The following CEP20 variants were observed in gnomAD, a reference collection of about 807,000 sequenced individuals.
CEP20 encodes centrosomal protein 20, also known as FGFR1OP N-terminal like.
Under a neutral mutation model 20.0 loss-of-function variants are expected in CEP20, and 18 were observed. That is an observed-to-expected ratio of 0.90 (90% CI 0.62 to 1.34). CEP20 has a LOEUF of 1.34. Among genes scored for constraint, CEP20 ranks in the 40% most tolerant of loss-of-function variants. The pLI, the probability that CEP20 is intolerant of heterozygous loss-of-function variation, is 0.00. For missense variants in CEP20, 215 were observed against 201.6 expected, an observed-to-expected ratio of 1.07 and a Z score of -0.40; for synonymous variants, 77 against 73.7, an observed-to-expected ratio of 1.04 and a Z score of -0.23.
chr16:15,869,836 A>G (rs766444895), intron 4 of CEP20, among the ~76,000 whole-genome samples: 2 of 152,198 alleles, frequency 1.3e-5, no homozygotes, highest in Non-Finnish European at 2.9e-5. Context: ...CTGGCTGACA[A>G]CTTTCAAGGC....
intron 2 of CEP20, among the ~76,000 whole-genome samples, 166 bp from the exon 3 acceptor site, chr16:15,880,054 A>C (rs1041756633): frequency 6.6e-6 from 1 of 152,232 alleles, no homozygotes; most frequent in Non-Finnish European, 1.5e-5. Context: ...GACTTTCAAA[A>C]TATCTCTTTT....
In CEP20 at chr16:15,871,606, A is replaced by G. The variant is rs72773961; in HGVS notation, c.448+1885T>C. On this transcript the variant is annotated intron_variant, in intron 4 of 4. Coordinates refer to ENST00000255759, the MANE Select transcript of CEP20 (RefSeq NM_144600.4). The stretch of plus-strand genomic sequence containing the variant: ...AAAGGTATACGGGAACAGCAATCAA[A>G]TGTGCTGATTCTGCTACTAATTATC... Among the ~76,000 whole-genome samples the G allele has an allele frequency of 9.5e-3, 1,449 of 152,296 alleles. 15 individuals carry two copies. The highest frequency in any genetic ancestry group is 0.02 in the Middle Eastern group (6 of 294).
intron 1 of CEP20, among the ~76,000 whole-genome samples, chr16:15,885,423 C>T (rs554217811): frequency 1.9e-4 from 29 of 152,170 alleles, no homozygotes; most frequent in Middle Eastern, 3.4e-3. Flanking sequence ...GAAACAATCT[C>T]GCTCTGTCGC....
chr16:15,877,514 C>T (rs1426799267), intron 3 of CEP20, among the ~76,000 whole-genome samples: 4 of 152,146 alleles, frequency 2.6e-5, no homozygotes, highest in African/African-American at 9.7e-5. Flanking sequence ...TGCCTGTAAT[C>T]CCAACACTTT....
In CEP20 at chr16:15,879,082, A is replaced by G. The variant is rs150894031; in HGVS notation, c.311+722T>C. ...TTAAGAAACACTGAAATAGAAAAAA[A>G]CTAAGAAAACTAGAAAGTGGTCATC... On this transcript the variant is annotated intron_variant, in intron 3 of 4. Coordinates refer to ENST00000255759, the MANE Select transcript of CEP20 (RefSeq NM_144600.4). 2.3e-3 allele frequency among the ~76,000 whole-genome samples: 343 copies of G among 152,154 alleles called. 1 individual carries two copies. Among genetic ancestry groups the G allele is most frequent in the Non-Finnish European group, 3.7e-3 (249 of 68,006 alleles).
intron 3 of CEP20, among the ~76,000 whole-genome samples, chr16:15,876,250 G>A (rs2044944663): frequency 6.6e-6 from 1 of 151,606 alleles, no homozygotes; most frequent in African/African-American, 2.4e-5. Flanking sequence ...GGCCGAGGCA[G>A]GAGGATCATG....
rs1341161700 is a variant in CEP20, at chr16:15,866,697, C to T, written c.*743G>A. On this transcript the variant is annotated 3_prime_UTR_variant, in exon 5 of 5. Transcript: ENST00000255759. ...TCCCTTTCTGGTATTTCTCCCAAAG[C>T]CTGTCTCTTCATGCTTACTTCACAT... The T allele has an allele frequency of 6.6e-6, 1 of 152,108 alleles. No individual in the cohort carries two copies. Among genetic ancestry groups the T allele is most frequent in the Admixed American group, 6.6e-5 (1 of 15,256 alleles). The allele number at this position is 152,108 out of a possible 1,614,324, so 9.4% of individuals were successfully genotyped here.
At chr16:15,873,294 T>G (rs1489428477) in intron 4 of CEP20, among the ~76,000 whole-genome samples, 197 bp downstream of exon 4, 1 of 152,096 alleles carries the variant, frequency 6.6e-6, no homozygotes, top group Non-Finnish European at 1.5e-5. Context: ...TTCTGCCCAG[T>G]TATGCCTCCC....
chr16:15,872,353 A>C (rs215563), intron 4 of CEP20, among the ~76,000 whole-genome samples: 127,136 of 151,876 alleles, frequency 0.84, 53,318 homozygotes, highest in Non-Finnish European at 0.86. Flanking sequence ...ACCACAACTG[A>C]AAACACTGAG....
chr16:15,869,107 G>GTA (rs572551425), intron 4 of CEP20, among the ~76,000 whole-genome samples: 1,884 of 150,778 alleles, frequency 0.012, 41 homozygotes, highest in African/African-American at 0.04. Context: ...GTGTGTGTGT[G>GTA]TATATATATA....
intron 2 of CEP20, among the ~76,000 whole-genome samples, chr16:15,880,302 C>G (rs1425711227): frequency 6.6e-6 from 1 of 152,176 alleles, no homozygotes; most frequent in African/African-American, 2.4e-5. Context: ...TGGGAAAGCA[C>G]AATGGTACAG....
At chr16:15,874,869 A>T (rs907535594) in intron 3 of CEP20, among the ~76,000 whole-genome samples, 10 of 152,052 alleles carry the variant, frequency 6.6e-5, no homozygotes, top group Admixed American at 5.9e-4. Context: ...TCTCTCTTGG[A>T]TTGCTGCCTT....
intron 3 of CEP20, among the ~76,000 whole-genome samples, chr16:15,875,235 C>G (rs548985672): frequency 2.0e-5 from 3 of 152,316 alleles, no homozygotes; most frequent in Admixed American, 2.0e-4. Context: ...ATGAAAGCGT[C>G]ACCTAGTAAT....
intron 2 of CEP20, among the ~76,000 whole-genome samples, chr16:15,883,260 G>A (rs773755297): frequency 3.3e-5 from 5 of 152,116 alleles, no homozygotes; most frequent in African/African-American, 4.8e-5. Flanking sequence ...CTACTCAGGA[G>A]ACTGACGCAG....
At chr16:15,876,596 G>C (rs1439732153) in intron 3 of CEP20, among the ~76,000 whole-genome samples, 1 of 152,058 alleles carries the variant, frequency 6.6e-6, no homozygotes, top group Non-Finnish European at 1.5e-5. Context: ...CTCCTAAGTA[G>C]CTAGGACTAC....
At chr16:15,882,784 T>TACACACACACACACACAC (rs71388769) in intron 2 of CEP20, among the ~76,000 whole-genome samples, 2 of 149,754 alleles carry the variant, frequency 1.3e-5, no homozygotes, top group East Asian at 2.0e-4. Context: ...TCTATCTAGA[T>TACACACACACACACACAC]ACACACACAC....
At chr16:15,884,260 G>A (rs1597010074) in intron 1 of CEP20, 55 bp from the exon 2 acceptor site, 1 of 1,497,552 alleles carries the variant, frequency 6.7e-7, no homozygotes, top group South Asian at 1.2e-5. Context: ...GTCATTCTTA[G>A]GCATACTTTG....
At chr16:15,883,749 C>G (rs1411815523) in intron 2 of CEP20, among the ~76,000 whole-genome samples, 1 of 152,048 alleles carries the variant, frequency 6.6e-6, no homozygotes, top group Admixed American at 6.6e-5. Flanking sequence ...CAGGACAAAA[C>G]GTCAACAATT....
In CEP20 at chr16:15,879,788, T is replaced by TA. The variant is rs1471609688; in HGVS notation, c.311+15dup. On this transcript the variant is annotated intron_variant, in intron 3 of 4. Transcript: ENST00000255759. ...TCAATACAATATGTGGAAACTTCTT[T>TA]AAAAAAATGTCTTACATTGTATTAT... 4 of 1,494,802 alleles carry TA rather than the reference T, an allele frequency of 2.7e-6. No homozygotes were observed. The highest frequency in any genetic ancestry group is 2.4e-5 in the South Asian group (2 of 83,332). The allele number at this position is 1,494,802 out of a possible 1,614,324, so 92.6% of individuals were successfully genotyped here.
Sources: gnomAD v4.1 joint callset for allele counts (sites outside exome capture counted in the v4.1 genomes callset) on GRCh38, gnomAD v4.1.1 for gene constraint, MANE v1.5 for transcripts, NCBI Gene and HGNC (gene_info 2026-07-23, HGNC 2026-07-21) for gene names.